The following SGK3 variants were observed in gnomAD, a reference collection of about 807,000 sequenced individuals.
SGK3 encodes the protein serine/threonine-protein kinase Sgk3.
In SGK3, 47 loss-of-function variants were observed where a neutral mutation model predicts 68.5. That is an observed-to-expected ratio of 0.69 (90% confidence interval 0.54 to 0.87). SGK3 has a LOEUF of 0.87. Ranked by LOEUF, SGK3 falls within the 40% of genes least tolerant of loss-of-function variation. The pLI is 0.00. For missense variants in SGK3, 479 were observed against 575.5 expected (o/e 0.83, Z 1.72); for synonymous variants, 181 against 189.1 (o/e 0.96, Z 0.35).
intron 6 of SGK3, among the ~76,000 whole-genome samples, chr8:66,824,653 G>A (rs975998946): frequency 6.6e-6 from 1 of 152,076 alleles, no homozygotes; most frequent in African/African-American, 2.4e-5. Flanking sequence ...AGCAAAAGAT[G>A]TTCATTTCAG....
rs1387858479 is a variant in SGK3 at position 66,858,872 on chromosome 8, C to T, written c.1321-539C>T. ...CCATTCTTCTTCTTCCAATGTGGCCCAGGGGACCAAAAGATTGGACACCCC... is the reference window on the plus strand; with the variant it reads ...CCATTCTTCTTCTTCCAATGTGGCCTAGGGGACCAAAAGATTGGACACCCC... On this transcript the variant is annotated intron_variant, in intron 16 of 16. Transcript: ENST00000521198. Among the ~76,000 whole-genome samples the T allele has an allele frequency of 3.3e-5, 5 of 152,106 alleles. No individual in the cohort carries two copies. The East Asian group carries it at 7.7e-4, about 23-fold the overall frequency.
intron 16 of SGK3, among the ~76,000 whole-genome samples, chr8:66,859,184 T>G (rs1455466091): frequency 6.6e-6 from 1 of 151,848 alleles, no homozygotes; most frequent in African/African-American, 2.4e-5. Flanking sequence ...TACAAAAAGT[T>G]AGCTGGGCGT....
chr8:66,764,185 G>A (rs1806251142), intron 1 of SGK3, among the ~76,000 whole-genome samples: 1 of 151,996 alleles, frequency 6.6e-6, no homozygotes, highest in South Asian at 2.1e-4. Flanking sequence ...TTTACAACAT[G>A]AACATGATCT....
chr8:66,798,415 G>T, intron 2 of SGK3, 127 bp from the exon 3 acceptor site: 1 of 666,814 alleles, frequency 1.5e-6, no homozygotes, highest in East Asian at 2.7e-5. Context: ...GAAAACATCA[G>T]CCTTGGTGAA....
Position 66,803,771 on chromosome 8 carries a change from C to G in SGK3, c.181-604C>G, listed in dbSNP as rs537445026. Among the ~76,000 whole-genome samples the G allele has an allele frequency of 2.4e-4, 37 of 152,192 alleles. 1 individual carries two copies. The highest frequency in any genetic ancestry group is 8.7e-4 in the African/African-American group (36 of 41,536). ...TTCCAGGCTCAAGCAATCCTCCCAC[C>G]TCAGCCTTAGGAGTAGCTGGGACCA... On this transcript the variant is annotated intron_variant, in intron 3 of 16. Transcript: ENST00000521198.
At chr8:66,814,488 G>A (rs1563641913) in intron 5 of SGK3, among the ~76,000 whole-genome samples, 2 of 152,200 alleles carry the variant, frequency 1.3e-5, no homozygotes, top group African/African-American at 2.4e-5. Flanking sequence ...CTTTCCAGGC[G>A]TAACAGGATA....
intron 2 of SGK3, among the ~76,000 whole-genome samples, chr8:66,797,421 A>G (rs1459227681): frequency 6.6e-6 from 1 of 151,982 alleles, no homozygotes; most frequent in African/African-American, 2.4e-5. Flanking sequence ...TAATTCTAAC[A>G]TCTTACACAT....
intron 1 of SGK3, among the ~76,000 whole-genome samples, chr8:66,736,566 T>G (rs1243683419): frequency 6.6e-6 from 1 of 151,482 alleles, no homozygotes; most frequent in Non-Finnish European, 1.5e-5. Context: ...CAAGCAATCC[T>G]CCTTCGTTAG....
chr8:66,775,058 G>T (rs1214460463), intron 1 of SGK3: 3 of 152,366 alleles, frequency 2.0e-5, no homozygotes, highest in African/African-American at 7.2e-5. Context: ...AAGGCCCTGG[G>T]GCTGCACCCC....
intron 6 of SGK3, among the ~76,000 whole-genome samples, chr8:66,823,892 A>G (rs1808950148): frequency 6.6e-6 from 1 of 152,214 alleles, no homozygotes; most frequent in African/African-American, 2.4e-5. Flanking sequence ...TTAAACTTTT[A>G]AACAACTATT....
intron 1 of SGK3, among the ~76,000 whole-genome samples, chr8:66,789,815 T>A (rs1807362388): frequency 6.6e-6 from 1 of 152,170 alleles, no homozygotes; most frequent in African/African-American, 2.4e-5. Flanking sequence ...TGGTGGCTTA[T>A]GCCTACAATC....
intron 5 of SGK3, among the ~76,000 whole-genome samples, chr8:66,818,032 TCA>T (rs1808664123): frequency 1.3e-5 from 2 of 152,054 alleles, no homozygotes; most frequent in Non-Finnish European, 2.9e-5. Flanking sequence ...GGTAGGAGAA[TCA>T]CCCGAGCCCA....
At chr8:66,838,074 ATT>A (rs1252098576) in intron 10 of SGK3, among the ~76,000 whole-genome samples, 1 of 152,040 alleles carries the variant, frequency 6.6e-6, no homozygotes, top group Non-Finnish European at 1.5e-5. Flanking sequence ...TTTCTTTCTT[ATT>A]TATTTATTGA....
intron 1 of SGK3, among the ~76,000 whole-genome samples, chr8:66,755,392 CTG>C (rs573697097): frequency 1.1e-3 from 174 of 152,254 alleles, no homozygotes; most frequent in Non-Finnish European, 2.1e-4. Flanking sequence ...ACTGATAAAA[CTG>C]TGTTGTGCAC....
At chr8:66,813,152 G>T (rs1409672127) in intron 4 of SGK3, among the ~76,000 whole-genome samples, 1 of 152,132 alleles carries the variant, frequency 6.6e-6, no homozygotes, top group East Asian at 1.9e-4. Context: ...TACTTGGCAG[G>T]CTGAGGCAGG....
chr8:66,743,153 C>A (rs1251632968), intron 1 of SGK3, among the ~76,000 whole-genome samples: 2 of 152,100 alleles, frequency 1.3e-5, no homozygotes, highest in Admixed American at 6.5e-5. Context: ...TGGGTTGCAA[C>A]CCATTAGTGA....
chr8:66,829,319 T>C (rs1185956867), intron 7 of SGK3, among the ~76,000 whole-genome samples: 1 of 151,554 alleles, frequency 6.6e-6, no homozygotes, highest in African/African-American at 2.4e-5. Flanking sequence ...TCTGAAGTGT[T>C]TTTTTATTCT....
At chr8:66,723,318 C>T (rs554396374) in intron 1 of SGK3, among the ~76,000 whole-genome samples, 1 of 150,388 alleles carries the variant, frequency 6.6e-6, no homozygotes, top group African/African-American at 2.4e-5. Context: ...GTGGCTCATG[C>T]CTGTAATCCC....
intron 5 of SGK3, 65 bp from the exon 6 acceptor site, chr8:66,822,307 T>C (rs1198267623): frequency 4.1e-6 from 6 of 1,448,718 alleles, no homozygotes. Flanking sequence ...TGATTTTCAT[T>C]TTAAAAGGGA....
Sources: gnomAD v4.1 joint callset for allele counts (sites outside exome capture counted in the v4.1 genomes callset) on GRCh38, gnomAD v4.1.1 for gene constraint, MANE v1.5 for transcripts, NCBI Gene and HGNC (gene_info 2026-07-23, HGNC 2026-07-21) for gene names.